PRPF39: variants seen among roughly 807,000 people sequenced by gnomAD.
PRPF39 encodes the protein pre-mRNA-processing factor 39.
A neutral mutation model predicts 82.1 loss-of-function variants in PRPF39; 27 were observed. The ratio of observed to expected loss-of-function variants is 0.33; its 90% CI spans 0.24 to 0.45. The LOEUF (loss-of-function observed/expected upper bound fraction) is 0.45, where lower values mean the gene tolerates loss of function less well. Ranked by LOEUF, PRPF39 falls within the 20% of genes least tolerant of loss-of-function variation. PRPF39 has a pLI of 1.00. For missense variants in PRPF39, 581 were observed against 796.9 expected (o/e 0.73, Z 3.26); for synonymous variants, 261 against 256.4 (o/e 1.02, Z -0.17).
At chr14:45,088,552 T>G (rs551471590) in intron 1 of PRPF39, among the ~76,000 whole-genome samples, 1 of 152,284 alleles carries the variant, frequency 6.6e-6, no homozygotes, top group South Asian at 2.1e-4. Flanking sequence ...AGTTTTGGTG[T>G]TAGGATGAGG....
At chr14:45,107,204 C>T (rs540675903) in intron 5 of PRPF39, among the ~76,000 whole-genome samples, 4 of 152,226 alleles carry the variant, frequency 2.6e-5, no homozygotes, top group East Asian at 1.9e-4. Flanking sequence ...AATTTATGCC[C>T]GTCCATGCCT....
chr14:45,097,869 G>A (rs1319694425), intron 4 of PRPF39, among the ~76,000 whole-genome samples: 2 of 152,146 alleles, frequency 1.3e-5, no homozygotes, highest in Admixed American at 6.5e-5. Flanking sequence ...TAAACTGCTT[G>A]TAACAAAAAG....
chr14:45,111,229 A>G (rs1160666536), intron 10 of PRPF39, among the ~76,000 whole-genome samples: 2 of 152,204 alleles, frequency 1.3e-5, no homozygotes, highest in Non-Finnish European at 2.9e-5. Context: ...TTATATATCA[A>G]TTGAAAAAGG....
chr14:45,099,527 C>CTCCACCTCCTGGG (rs1884306900), intron 4 of PRPF39, among the ~76,000 whole-genome samples: 1 of 152,096 alleles, frequency 6.6e-6, no homozygotes, highest in African/African-American at 2.4e-5. Context: ...TCACTGCAAG[C>CTCCACCTCCTGGG]TCCACCTCCT....
intron 2 of PRPF39, 63 bp from the exon 3 acceptor site, chr14:45,096,040 A>C: frequency 4.3e-6 from 6 of 1,385,910 alleles, no homozygotes; most frequent in Non-Finnish European, 5.9e-6. Context: ...GTTTGAAAGG[A>C]ATAATAAATA....
intron 4 of PRPF39, among the ~76,000 whole-genome samples, chr14:45,098,634 A>C (rs1370149855): frequency 6.6e-6 from 1 of 152,138 alleles, no homozygotes; most frequent in African/African-American, 2.4e-5. Flanking sequence ...GAAGGCTTTA[A>C]ATATAGCTTT....
chr14:45,084,566 C>T (rs560515634), intron 1 of PRPF39, among the ~76,000 whole-genome samples: 1 of 152,216 alleles, frequency 6.6e-6, no homozygotes, highest in South Asian at 2.1e-4. Context: ...TTGCTTCTCC[C>T]GGAGCTGGAA....
At chr14:45,085,776 G>GGATGA (rs893694103) in intron 1 of PRPF39, among the ~76,000 whole-genome samples, 2 of 152,068 alleles carry the variant, frequency 1.3e-5, no homozygotes, top group Non-Finnish European at 2.9e-5. Flanking sequence ...ATTGCCTTGT[G>GGATGA]GATGAGATTT....
intron 2 of PRPF39, 121 bp downstream of exon 2, chr14:45,095,684 A>G (rs979909013): frequency 2.3e-6 from 3 of 1,286,012 alleles, no homozygotes; most frequent in Non-Finnish European, 3.1e-6. Context: ...ATGAAGTTGA[A>G]TAACATTAGG....
At chr14:45,106,197 A>T (rs1490506167) in intron 5 of PRPF39, among the ~76,000 whole-genome samples, 1 of 152,060 alleles carries the variant, frequency 6.6e-6, no homozygotes, top group Non-Finnish European at 1.5e-5. Context: ...AAAATTAGAA[A>T]AATTAGCTGG....
chr14:45,095,797 G>A (rs1185698623), intron 2 of PRPF39: 1 of 557,658 alleles, frequency 1.8e-6, no homozygotes, highest in Non-Finnish European at 2.8e-6. Flanking sequence ...GTGTAAATGT[G>A]TGTGTAAAAT....
At chr14:45,113,050 G>T (rs1884739081) in intron 11 of PRPF39, among the ~76,000 whole-genome samples, 1 of 152,170 alleles carries the variant, frequency 6.6e-6, no homozygotes, top group Non-Finnish European at 1.5e-5. Context: ...TACAAATATT[G>T]GCTAGAGCAT....
intron 2 of PRPF39, 113 bp downstream of exon 2, chr14:45,095,676 G>T: frequency 7.5e-7 from 1 of 1,337,812 alleles, no homozygotes; most frequent in East Asian, 2.5e-5. Flanking sequence ...ATTTTCAAAT[G>T]AAGTTGAATA....
intron 1 of PRPF39, among the ~76,000 whole-genome samples, chr14:45,090,906 A>AT (rs1196477591): frequency 1.3e-5 from 2 of 151,864 alleles, no homozygotes; most frequent in East Asian, 1.9e-4. Flanking sequence ...CACATGTCCC[A>AT]TTTTTTCCTT....
chr14:45,106,537 A>G (rs532691281), intron 5 of PRPF39, among the ~76,000 whole-genome samples: 1 of 152,292 alleles, frequency 6.6e-6, no homozygotes, highest in Non-Finnish European at 1.5e-5. Flanking sequence ...GCATGTTTTT[A>G]TAAAATAGTG....
rs778411372 is a variant in PRPF39 at position 45,096,123 on chromosome 14, G to A, written c.345G>A (p.Arg115=). ...VEQENHLMAA[R]KAFDRFFIHY... is the part of the protein sequence containing the mutation. ...ATCAGAATCACTTGATGGCTGCCAG[G>A]AAGGCATTTGACAGATTTTTCATAC... The change falls in exon 3 of 14, where the codon AGG becomes AGA. Residue 115 remains arginine, a synonymous_variant. Transcript: ENST00000355765. 3.2e-6 allele frequency: 5 copies of A among 1,575,970 alleles called. No homozygotes were observed. Among genetic ancestry groups the A allele is most frequent in the South Asian group, 2.3e-5 (2 of 85,876 alleles).
At chr14:45,086,817 A>G (rs1047145671) in intron 1 of PRPF39, among the ~76,000 whole-genome samples, 7 of 145,328 alleles carry the variant, frequency 4.8e-5, no homozygotes, top group Admixed American at 4.8e-4. Context: ...GAGTAATATT[A>G]GTTTGCAGTA....
At chr14:45,092,973 C>A (rs1345470098) in intron 1 of PRPF39, among the ~76,000 whole-genome samples, 3 of 151,962 alleles carry the variant, frequency 2.0e-5, no homozygotes, top group African/African-American at 7.2e-5. Flanking sequence ...AAAACTTCTC[C>A]CCCCATTCAG....
chr14:45,096,878 T>G lies in PRPF39; in HGVS notation c.451-9T>G. 6.5e-7 allele frequency: 1 copy of G among 1,543,554 alleles called. No individual in the cohort carries two copies. The highest frequency in any genetic ancestry group is 1.2e-5 in the South Asian group (1 of 82,190). ...ATATTTGAAGTACAGTTTGCTGTTT[T>G]CTTCTTAGGTTTATCGGCGGGGGCT... On this transcript the variant is annotated splice_polypyrimidine_tract_variant and intron_variant, in intron 3 of 13. Transcript: ENST00000355765.
Sources: allele counts gnomAD v4.1 joint callset (sites outside exome capture counted in the v4.1 genomes callset), GRCh38; gene constraint gnomAD v4.1.1; transcripts MANE v1.5; gene names NCBI Gene and HGNC (gene_info 2026-07-23, HGNC 2026-07-21).